Variants in PTCH1 observed in about 807,000 individuals in gnomAD.
The protein encoded by PTCH1 is patched 1, also known as protein patched homolog 1.
In PTCH1, 14 loss-of-function variants were observed where a neutral mutation model predicts 144.6. That is an observed-to-expected ratio of 0.10 (90% confidence interval 0.06 to 0.15). The LOEUF is 0.15. PTCH1 is among the 10% of genes least tolerant of loss of function. The probability of loss-of-function intolerance (pLI) is 1.00; values close to 1 mark genes in which losing one functional copy is unlikely to be tolerated. For missense variants in PTCH1, 1,623 were observed against 1,948.3 expected (o/e 0.83, Z 3.14); for synonymous variants, 833 against 793.6 (o/e 1.05, Z -0.83).
At chr9:95,502,588 C>G (rs1057122012) in intron 2 of PTCH1, among the ~76,000 whole-genome samples, 2 of 152,212 alleles carry the variant, frequency 1.3e-5, no homozygotes, top group African/African-American at 4.8e-5. Context: ...TTTTGATTAG[C>G]AAACACTATA....
At chr9:95,514,695 C>A (rs1050240611) in intron 1 of PTCH1, among the ~76,000 whole-genome samples, 17 of 151,654 alleles carry the variant, frequency 1.1e-4, no homozygotes, top group Non-Finnish European at 2.2e-4. Flanking sequence ...TATTTTAATC[C>A]ACATTGATTA....
chr9:95,461,545 G>A (rs1485469765), intron 16 of PTCH1, among the ~76,000 whole-genome samples: 1 of 152,138 alleles, frequency 6.6e-6, no homozygotes, highest in Non-Finnish European at 1.5e-5. Context: ...ATCACACGCC[G>A]CTGCATTTCT....
intron 1 of PTCH1, chr9:95,507,191 A>G (rs1402703767): frequency 3.0e-6 from 3 of 985,554 alleles, no homozygotes; most frequent in Non-Finnish European, 3.6e-6. Flanking sequence ...AGGCTGTGTG[A>G]GCTGAATTAG....
At position 95,469,610 on chromosome 9, in the gene PTCH1, T is replaced by C. The variant is rs1244498475; in HGVS notation, c.1847+203A>G. Among the ~76,000 whole-genome samples, 4 of 152,168 alleles carry C rather than the reference T, an allele frequency of 2.6e-5. No individual in the cohort carries two copies. The East Asian group carries it at 7.7e-4, about 29-fold the overall frequency. ...CAGCATCTTGAGGGCTGTGAGACTG[T>C]TCAGCTGCGGCAGGGGAGAAGGAAG... On this transcript the variant is annotated intron_variant, in intron 13 of 23. Transcript: ENST00000331920.
At chr9:95,475,900 C>G in intron 12 of PTCH1, 134 bp downstream of exon 12, 1 of 1,399,142 alleles carries the variant, frequency 7.1e-7, no homozygotes, top group South Asian at 1.2e-5. Context: ...CCCAGTTAAA[C>G]AGAGCCTCAA....
chr9:95,448,500 C>T (rs1285640878), intron 22 of PTCH1, among the ~76,000 whole-genome samples: 1 of 152,186 alleles, frequency 6.6e-6, no homozygotes, highest in African/African-American at 2.4e-5. Flanking sequence ...TCACTGAAGG[C>T]TAAGAACTCA....
At position 95,447,199 on chromosome 9, in the gene PTCH1, C is replaced by T. The variant is rs1304567972; in HGVS notation, c.4057G>A (p.Ala1353Thr). 1 of 1,613,002 alleles carries T rather than the reference C, an allele frequency of 6.2e-7. No individual in the cohort carries two copies. ...ACGGAGCTGCCCATGGCAGTGGACG[C>T]TGGGTTCCGAGGGTTGTGAGAACGG... is the stretch of plus-strand genomic sequence containing the variant. ...GARSHNPRNP[A>T]STAMGSSVPG... Residue 1353 changes from alanine to threonine, a missense_variant, in exon 23 of 24, where the codon GCG becomes ACG. Physicochemically the swap from Ala to Thr is moderately conservative, Grantham distance 58. Coordinates refer to ENST00000331920, the MANE Select transcript of PTCH1 (RefSeq NM_000264.5).
In PTCH1 at chr9:95,478,043, A is replaced by G. The variant is rs2118327578; in HGVS notation, c.1347+12T>C. 2 of 1,614,220 alleles carry G rather than the reference A, an allele frequency of 1.2e-6. No homozygotes were observed. Among genetic ancestry groups the G allele is most frequent in the African/African-American group, 1.3e-5 (1 of 75,068 alleles). ...AAACTCCAGCCCCCAGGAGCATGGC[A>G]TCGAGCGTTACCATGAGTAAGTAGC... On this transcript the variant is annotated intron_variant, in intron 9 of 23. Transcript: ENST00000331920.
intron 2 of PTCH1, among the ~76,000 whole-genome samples, chr9:95,487,425 T>G (rs1011073746): frequency 6.6e-6 from 1 of 152,228 alleles, no homozygotes; most frequent in African/African-American, 2.4e-5. Context: ...GGGAAACAAC[T>G]TGCACAGAGA....
At position 95,468,879 on chromosome 9, in the gene PTCH1, T is replaced by C; in HGVS notation, c.2122A>G (p.Thr708Ala). 6.2e-7 allele frequency: 1 copy of C among 1,614,092 alleles called. No homozygotes were observed. Among genetic ancestry groups the C allele is most frequent in the Non-Finnish European group, 8.5e-7 (1 of 1,180,006 alleles). ...GAGAACTGGGAGAGCAGGTCCCTTG[T>C]GGAGCTGGTGCTCTCTGGGCTCTGG... The part of the protein sequence containing the change: ...SCQSPESTSS[T>A]RDLLSQFSDS... The change falls in exon 14 of 24, where the codon ACA becomes GCA. Residue 708 changes from threonine (T) to alanine (A), a missense_variant. Around this residue, in one of 7 missense-constraint regions of PTCH1, gnomAD observed 179 missense variants for 165.7 expected, o/e 1.08. Transcript: ENST00000331920.
At chr9:95,490,365 T>C (rs1036713046) in intron 2 of PTCH1, among the ~76,000 whole-genome samples, 1 of 151,848 alleles carries the variant, frequency 6.6e-6, no homozygotes, top group Non-Finnish European at 1.5e-5. Context: ...CCTTTAGTTC[T>C]AGCTACTTCA....
At position 95,496,869 on chromosome 9, in the gene PTCH1, G is replaced by C. The variant is rs1842828529; in HGVS notation, c.394+9538C>G. 3.3e-5 allele frequency among the ~76,000 whole-genome samples: 5 copies of C among 152,074 alleles called. No homozygotes were observed. The South Asian group carries it at 1.0e-3, about 32-fold the overall frequency. On this transcript the variant is annotated intron_variant, in intron 2 of 23. Coordinates refer to ENST00000331920, the MANE Select transcript of PTCH1 (RefSeq NM_000264.5). Reference sequence around the variant, plus strand: ...TTTAAAAAGAGGCTGTGTGATGTTTGAGTCTATTTTGTGAAGGTTGCTGGT... The same window carrying C: ...TTTAAAAAGAGGCTGTGTGATGTTTCAGTCTATTTTGTGAAGGTTGCTGGT...
chr9:95,512,744 A>C (rs1844216093), upstream of PTCH1, among the ~76,000 whole-genome samples: 1 of 152,244 alleles, frequency 6.6e-6, no homozygotes, highest in African/African-American at 2.4e-5. Flanking sequence ...TGGGGCAGCC[A>C]GACCTGCTAA....
chr9:95,488,106 T>C (rs1842107397), intron 2 of PTCH1, among the ~76,000 whole-genome samples: 1 of 152,218 alleles, frequency 6.6e-6, no homozygotes, highest in Non-Finnish European at 1.5e-5. Flanking sequence ...ACCAACCTCA[T>C]AATGGAGCAG....
rs927918852 is a variant in PTCH1 at position 95,516,344 on chromosome 9, C to A, written c.3+125G>T. Reference sequence around the variant, plus strand: ...CGCGCGGCCCGCCCCTCCTGCCCGGCGCTCGGGGCTCGCTCCTCCGTCCGC... The same window carrying A: ...CGCGCGGCCCGCCCCTCCTGCCCGGAGCTCGGGGCTCGCTCCTCCGTCCGC... On this transcript the variant is annotated intron_variant, in intron 1 of 22. Transcript: ENST00000430669. 75 of 685,290 alleles carry A rather than the reference C, an allele frequency of 1.1e-4. No homozygotes were observed. In the East Asian group the frequency reaches 4.0e-3, roughly 36 times the overall value. 42.5% of individuals were successfully genotyped at this position (685,290 alleles called of 1,614,324 possible). A position where few individuals can be genotyped will look rare whatever the true frequency, so the allele number is the denominator to read the frequency against.
upstream of PTCH1, among the ~76,000 whole-genome samples, chr9:95,511,584 G>A (rs931145372): frequency 3.9e-5 from 6 of 152,248 alleles, no homozygotes; most frequent in African/African-American, 1.4e-4. Flanking sequence ...GAGTGCCTCA[G>A]GGAAGGGCTG....
intron 2 of PTCH1, 51 bp from the exon 3 acceptor site, chr9:95,485,925 A>C: frequency 1.3e-6 from 2 of 1,596,966 alleles, no homozygotes; most frequent in South Asian, 2.2e-5. Flanking sequence ...CTGCAAACTC[A>C]TGTTTTATCT....
intron 20 of PTCH1, chr9:95,451,136 C>A (rs1285608795): frequency 2.0e-5 from 3 of 152,174 alleles, no homozygotes; most frequent in African/African-American, 7.2e-5. Flanking sequence ...AATACAAATA[C>A]CTCACAGCTA....
chr9:95,478,900 T>G, intron 8 of PTCH1, 100 bp downstream of exon 8: 2 of 1,560,374 alleles, frequency 1.3e-6, no homozygotes, highest in Non-Finnish European at 8.7e-7. Flanking sequence ...ATTGCAATGT[T>G]TTGAAAATAA....
Sources: gnomAD v4.1 joint callset for allele counts (sites outside exome capture counted in the v4.1 genomes callset) on GRCh38, gnomAD v4.1.1 for gene constraint, gnomAD v4.1.1 regional missense constraint, MANE v1.5 for transcripts, NCBI Gene and HGNC (gene_info 2026-07-23, HGNC 2026-07-21) for gene names.